TRIM27: variants seen among roughly 807,000 people sequenced by gnomAD.
TRIM27 encodes the protein zinc finger protein RFP.
TRIM27 carries 12 observed loss-of-function variants against 57.6 expected under a neutral mutation model. The ratio of observed to expected loss-of-function variants is 0.21; its 90% confidence interval spans 0.13 to 0.34. The LOEUF is 0.34. TRIM27 is among the 10% of genes least tolerant of loss of function. The probability of loss-of-function intolerance (pLI) is 1.00; values close to 1 mark genes in which losing one functional copy is unlikely to be tolerated. For synonymous variants in TRIM27, 266 were observed against 259.0 expected (o/e 1.03, Z -0.26); for missense variants, 403 against 656.8 (o/e 0.61, Z 4.22).
chr6:28,917,830 CTT>C (rs1002129970), intron 3 of TRIM27, among the ~76,000 whole-genome samples: 55 of 141,258 alleles, frequency 3.9e-4, no homozygotes, highest in Admixed American at 4.3e-4. Context: ...TTCTTCCTTT[CTT>C]TTTTTTTTTT....
chr6:28,904,662 T>A lies in TRIM27; in HGVS notation c.950A>T (p.Asp317Val). ...GGCCGTGTCTGGGTCCAGAGTCACG[T>A]CCACTGTAGAGACACAAGGAAGACA... ...ELREAQLYSV[D>V]VTLDPDTAYP... Residue 317 changes from aspartate to valine, a missense_variant, in exon 8 of 8, where the codon GAC becomes GTC. By Grantham distance (152) the Asp-to-Val change is radical. Transcript: ENST00000377199. This position sits in a 1 kb window ranked among gnomAD's most constrained non-coding sequence, Gnocchi z 6.1. 6.3e-7 allele frequency: 1 copy of A among 1,595,802 alleles called. No individual in the cohort carries two copies. The highest frequency in any genetic ancestry group is 8.5e-7 in the Non-Finnish European group (1 of 1,178,006).
rs770184244 is a variant in TRIM27, at chr6:28,920,168, C to T, written c.591G>A (p.Glu197=). Residue 197 remains glutamate (E), a synonymous_variant, in exon 3 of 8, where the codon GAG becomes GAA. Transcript: ENST00000377199. ...EQLYHSLKEH[E]YRLLARLEEL... ...CCTCAAGGCGGGCCAGGAGGCGATACTCATGCTCCTTTAAGGAGTGATACA... is the reference window on the plus strand; with the variant it reads ...CCTCAAGGCGGGCCAGGAGGCGATATTCATGCTCCTTTAAGGAGTGATACA... 2 of 1,614,186 alleles carry T rather than the reference C, an allele frequency of 1.2e-6. No individual in the cohort carries two copies. Among genetic ancestry groups the T allele is most frequent in the Non-Finnish European group, 1.7e-6 (2 of 1,180,032 alleles).
At chr6:28,920,550 C>G (rs1438309169) in intron 2 of TRIM27, among the ~76,000 whole-genome samples, 4 of 152,078 alleles carry the variant, frequency 2.6e-5, no homozygotes, top group Non-Finnish European at 5.9e-5. Context: ...AAACTGGTAC[C>G]ATCTTCACAG....
Position 28,903,465 on chromosome 6 carries a change from A to G in TRIM27, c.*605T>C, listed in dbSNP as rs980915082. On this transcript the variant is annotated 3_prime_UTR_variant, in exon 8 of 8. Coordinates refer to ENST00000377199, the MANE Select transcript of TRIM27 (RefSeq NM_006510.5). ...GAGACATTGATTAGAACATTATCTC[A>G]TAACAGAGGTGGGGCCATTACCCAC... 3.9e-5 allele frequency: 9 copies of G among 232,938 alleles called. No homozygotes were observed. Among genetic ancestry groups the G allele is most frequent in the East Asian group, 2.4e-4 (4 of 16,550 alleles). The allele number at this position is 232,938 out of a possible 1,614,324, so 14.4% of individuals were successfully genotyped here.
intron 3 of TRIM27, 131 bp from the exon 4 acceptor site, chr6:28,911,849 G>T: frequency 1.2e-6 from 1 of 840,194 alleles, no homozygotes. Flanking sequence ...AGGATCACTG[G>T]AACATAACTC....
intron 3 of TRIM27, among the ~76,000 whole-genome samples, chr6:28,913,011 T>C (rs1185758613): frequency 5.3e-5 from 8 of 152,084 alleles, no homozygotes; most frequent in Non-Finnish European, 1.0e-4. Context: ...ATCCCAGCAC[T>C]TTGGGAGGTC....
rs187966242 is a variant in TRIM27 at position 28,913,359 on chromosome 6, C to T, written c.748-1641G>A. The stretch of plus-strand genomic sequence containing the variant: ...AGTTTTGTAAACTACAGTCACCCTA[C>T]TGACCTATCAAACACTAGCTTTTAT... On this transcript the variant is annotated intron_variant, in intron 3 of 7. Coordinates refer to ENST00000377199, the MANE Select transcript of TRIM27 (RefSeq NM_006510.5). Among the ~76,000 whole-genome samples, 18 of 150,894 alleles carry T rather than the reference C, an allele frequency of 1.2e-4. No individual in the cohort carries two copies. The East Asian group carries it at 3.1e-3, about 26-fold the overall frequency.
In TRIM27 at chr6:28,904,306, C is replaced by T; in HGVS notation, c.1306G>A (p.Val436Met). Residue 436 changes from valine to methionine, a missense_variant, in exon 8 of 8, where the codon GTG (valine) becomes ATG (methionine). Val to Met is a conservative substitution (Grantham distance 21). Coordinates refer to ENST00000377199, the MANE Select transcript of TRIM27 (RefSeq NM_006510.5). The surrounding 1 kb of genome is among the most constrained non-coding windows in gnomAD (Gnocchi z 6.1). Reference sequence around the variant, plus strand: ...GCATCATAGTCCAAGAAAATCCCCACCCGCTGGAGCGGGGTCCGCAGGGGT... The same window carrying T: ...GCATCATAGTCCAAGAAAATCCCCATCCGCTGGAGCGGGGTCCGCAGGGGT... Reference protein sequence around the residue: ...ALPLRTPLQRVGIFLDYDAGE... With the variant: ...ALPLRTPLQRMGIFLDYDAGE... 1 of 1,613,054 alleles carries T rather than the reference C, an allele frequency of 6.2e-7. No homozygotes were observed. The highest frequency in any genetic ancestry group is 8.5e-7 in the Non-Finnish European group (1 of 1,179,990).
chr6:28,913,374 C>A (rs1773361189), intron 3 of TRIM27, among the ~76,000 whole-genome samples: 1 of 150,898 alleles, frequency 6.6e-6, no homozygotes, highest in Non-Finnish European at 1.5e-5. Flanking sequence ...CTATCAAACA[C>A]TAGCTTTTAT....
chr6:28,915,089 C>G (rs1011395373), intron 3 of TRIM27: 3 of 151,848 alleles, frequency 2.0e-5, no homozygotes, highest in Non-Finnish European at 2.9e-5. Context: ...GGGCATCCGG[C>G]CTGTTTCTGA....
At chr6:28,912,523 A>C (rs1030063724) in intron 3 of TRIM27, among the ~76,000 whole-genome samples, 2 of 151,746 alleles carry the variant, frequency 1.3e-5, no homozygotes, top group African/African-American at 4.8e-5. Context: ...CATACTCTCT[A>C]TTTCACATTT....
In TRIM27 at chr6:28,909,037, T is replaced by C. The variant is rs779712513; in HGVS notation, c.822A>G (p.Gln274=). 2.5e-6 allele frequency: 4 copies of C among 1,614,154 alleles called. No individual in the cohort carries two copies. Among genetic ancestry groups the C allele is most frequent in the Non-Finnish European group, 2.5e-6 (3 of 1,180,024 alleles). The change falls in exon 5 of 8, where the codon CAA becomes CAG. Residue 274 remains glutamine, a synonymous_variant. Transcript: ENST00000377199. ...PEPWITPPDL[Q]EKIHIFAQKC... ...TTTGGGCAAAAATGTGGATTTTCTC[T>C]TGCAAATCTGGAGGTGTGATCCAAG... is the stretch of plus-strand genomic sequence containing the variant.
chr6:28,913,271 T>C (rs867329814), intron 3 of TRIM27, among the ~76,000 whole-genome samples: 3 of 137,782 alleles, frequency 2.2e-5, no homozygotes, highest in Admixed American at 7.2e-5. Flanking sequence ...AAAAAAAAAA[T>C]ATATATATAT....
At chr6:28,911,445 C>T (rs1773204274) in intron 4 of TRIM27, 1 of 455,990 alleles carries the variant, frequency 2.2e-6, no homozygotes. Context: ...AAGGCCACAC[C>T]CTCTCCATGG....
At chr6:28,912,513 C>T (rs1230845717) in intron 3 of TRIM27, among the ~76,000 whole-genome samples, 1 of 151,540 alleles carries the variant, frequency 6.6e-6, no homozygotes, top group Non-Finnish European at 1.5e-5. Flanking sequence ...AAAAAAGTAG[C>T]ATACTCTCTA....
rs1207273455 is a variant in TRIM27, at chr6:28,923,717, C to T, written c.-85G>A. 7.2e-7 allele frequency: 1 copy of T among 1,396,768 alleles called. No homozygotes were observed. The highest frequency in any genetic ancestry group is 9.5e-7 in the Non-Finnish European group (1 of 1,056,960). 86.5% of individuals were successfully genotyped at this position (1,396,768 alleles called of 1,614,324 possible). A position where few individuals can be genotyped will look rare whatever the true frequency, so the allele number is the denominator to read the frequency against. On this transcript the variant is annotated 5_prime_UTR_variant, in exon 1 of 8. Transcript: ENST00000377199. ...CAACTCTCCGGCGCTCTCTCCGGTT[C>T]GCTGTTCCTGAGAGGCACCGGGCGG...
chr6:28,920,023 C>G lies in TRIM27; in HGVS notation c.736G>C (p.Glu246Gln). Reference protein sequence around the residue: ...LEEKQQQPTRELLQDIGDTLS... With the variant: ...LEEKQQQPTRQLLQDIGDTLS... ...TCTGCAAGCCTTACCTGCAGGAGCT[C>G]CCTGGTGGGCTGCTGCTGCTTCTCT... The change falls in exon 3 of 8, where the codon GAG (glutamate) becomes CAG (glutamine). Residue 246 changes from glutamate (E) to glutamine (Q), a missense_variant. Glu to Gln is a conservative substitution (Grantham distance 29). Transcript: ENST00000377199. 2 of 1,612,554 alleles carry G rather than the reference C, an allele frequency of 1.2e-6. No individual in the cohort carries two copies. The highest frequency in any genetic ancestry group is 1.7e-6 in the Non-Finnish European group (2 of 1,179,552).
chr6:28,904,275 T>A lies in TRIM27; in HGVS notation c.1337A>T (p.Glu446Val). 6.2e-7 allele frequency: 1 copy of A among 1,613,078 alleles called. No homozygotes were observed. Among genetic ancestry groups the A allele is most frequent in the Non-Finnish European group, 8.5e-7 (1 of 1,180,014 alleles). The change falls in exon 8 of 8, where the codon GAG (glutamate) becomes GTG (valine). Residue 446 changes from glutamate to valine, a missense_variant. By Grantham distance (121) the Glu-to-Val change is moderately radical. Transcript: ENST00000377199. The surrounding 1 kb of genome is among the most constrained non-coding windows in gnomAD (Gnocchi z 6.1). ...CTCTGTCACGTTGTAGAAGGAGACC[T>A]CACCAGCATCATAGTCCAAGAAAAT... ...VGIFLDYDAG[E>V]VSFYNVTERC...
chr6:28,912,130 C>T (rs1200037781), intron 3 of TRIM27, among the ~76,000 whole-genome samples: 3 of 138,800 alleles, frequency 2.2e-5, no homozygotes, highest in Non-Finnish European at 4.6e-5. Context: ...TTTTTTGAGA[C>T]GGAGTCTCGC....
Sources: allele counts gnomAD v4.1 joint callset (sites outside exome capture counted in the v4.1 genomes callset), GRCh38; gene constraint gnomAD v4.1.1; non-coding constraint Gnocchi (gnomAD v3.1); transcripts MANE v1.5; gene names NCBI Gene and HGNC (gene_info 2026-07-23, HGNC 2026-07-21).